The following ZNF581 variants were observed in gnomAD, a reference collection of about 807,000 sequenced individuals.
ZNF581 encodes zinc finger protein 581.
In ZNF581, 1 loss-of-function variant was observed where a neutral mutation model predicts 1.2. That is an observed-to-expected ratio of 0.83 (90% CI 0.30 to 3.95). The LOEUF (loss-of-function observed/expected upper bound fraction) is 3.95. Among genes scored for constraint, ZNF581 ranks in the 30% most tolerant of loss-of-function variants. The pLI, the probability that ZNF581 is intolerant of heterozygous loss-of-function variation, is 0.18. For missense variants in ZNF581, 273 were observed against 274.6 expected (o/e 0.99, Z 0.04); for synonymous variants, 105 against 109.2 (o/e 0.96, Z 0.24).
In ZNF581 at chr19:55,645,337, C is replaced by A. The variant is rs552102882; in HGVS notation, c.*172C>A. The A allele has an allele frequency of 7.3e-6, 4 of 548,652 alleles. No homozygotes were observed. The East Asian group carries it at 1.2e-4, about 17-fold the overall frequency. 34.0% of individuals were successfully genotyped at this position (548,652 alleles called of 1,614,324 possible). On this transcript the variant is annotated 3_prime_UTR_variant, in exon 2 of 2. Transcript: ENST00000270451. ...GAAGGAGGAATCCGTGAGTAATCTT[C>A]AGGTCCTCCGTGTTCTGGAGCTGAG... is the stretch of plus-strand genomic sequence containing the variant.
upstream of ZNF581, chr19:55,642,629 T>A: frequency 1.4e-6 from 2 of 1,436,788 alleles, no homozygotes; most frequent in Non-Finnish European, 1.8e-6. Flanking sequence ...CACTCCTTCC[T>A]CGGCGGCGGG....
upstream of ZNF581, chr19:55,640,764 G>T (rs976963657): frequency 2.0e-6 from 2 of 985,492 alleles, no homozygotes; most frequent in Non-Finnish European, 2.4e-6. Flanking sequence ...ACCCTTGTGG[G>T]CCTTAGGGCG....
chr19:55,640,013 C>G (rs1982348439), upstream of ZNF581: 1 of 522,718 alleles, frequency 1.9e-6, no homozygotes, highest in African/African-American at 2.1e-5. Context: ...TGTCATAGAA[C>G]TTTCCACCAT....
chr19:55,641,802 A>AT (rs1982506406), upstream of ZNF581: 1 of 153,560 alleles, frequency 6.5e-6, no homozygotes, highest in Non-Finnish European at 1.4e-5. Context: ...TAGATGTAGT[A>AT]AGACGATGGG....
At chr19:55,640,044 A>G (rs951085881), upstream of ZNF581, 12 of 787,418 alleles carry the variant, frequency 1.5e-5, no homozygotes, top group African/African-American at 2.2e-4. Flanking sequence ...TCTGATGGAC[A>G]GTGCTCTAGG....
upstream of ZNF581, chr19:55,642,322 A>C: frequency 7.9e-7 from 1 of 1,260,650 alleles, no homozygotes. Context: ...TCTCCGAGGC[A>C]GCTTGATGGA....
Position 55,644,721 on chromosome 19 carries a change from C to T in ZNF581, c.150C>T (p.Pro50=). 6.2e-7 allele frequency: 1 copy of T among 1,614,058 alleles called. No homozygotes were observed. Among genetic ancestry groups the T allele is most frequent in the Non-Finnish European group, 8.5e-7 (1 of 1,179,968 alleles). ...CCCAGGCTTCATCTCCTCCAAGGCC[C>T]AACCACTACCTGCTTATTGACACTC... The part of the protein sequence containing the change: ...GSPQASSPPR[P]NHYLLIDTQG... Residue 50 remains proline (P), a synonymous_variant, in exon 2 of 2, where the codon CCC becomes CCT. Coordinates refer to ENST00000270451, the MANE Select transcript of ZNF581 (RefSeq NM_016535.4). This position sits in a 1 kb window ranked among gnomAD's most constrained non-coding sequence, Gnocchi z 4.3.
chr19:55,640,183 TGGA>T, upstream of ZNF581: 3 of 985,476 alleles, frequency 3.0e-6, no homozygotes, highest in Non-Finnish European at 3.6e-6. Flanking sequence ...GCCACGTGGC[TGGA>T]GGAGGAGCTG....
At chr19:55,640,301 G>C, upstream of ZNF581, 3 of 985,454 alleles carry the variant, frequency 3.0e-6, no homozygotes, top group Non-Finnish European at 3.6e-6. Flanking sequence ...GCCAGCGCCC[G>C]GGCCTCAAGT....
chr19:55,642,902 T>A, upstream of ZNF581: 1 of 1,541,906 alleles, frequency 6.5e-7, no homozygotes, highest in African/African-American at 1.4e-5. Context: ...CTTCAAGCGC[T>A]CCAGCCACCT....
chr19:55,645,047 A>G lies in ZNF581; in HGVS notation c.476A>G (p.Glu159Gly). 6.3e-7 allele frequency: 1 copy of G among 1,581,372 alleles called. No individual in the cohort carries two copies. Among genetic ancestry groups the G allele is most frequent in the Non-Finnish European group, 8.6e-7 (1 of 1,157,672 alleles). ...CCTCGCCGCTTCCGGGATGCGGGTG[A>G]GCTGGCCCAGCACAGCCGGGTGCAC... ...LCPRRFRDAG[E>G]LAQHSRVHSG... The change falls in exon 2 of 2, where the codon GAG (glutamate) becomes GGG (glycine). Residue 159 changes from glutamate to glycine, a missense_variant. Transcript: ENST00000270451.
Position 55,644,871 on chromosome 19 carries a change from C to T in ZNF581, c.300C>T (p.Ser100=), listed in dbSNP as rs1203026492. ...PVCSRVFEYM[S]YLQRHSITHS... ...GCTCAAGGGTCTTCGAGTACATGTCCTACCTTCAGCGACACAGCATCACCC... is the reference window on the plus strand; with the variant it reads ...GCTCAAGGGTCTTCGAGTACATGTCTTACCTTCAGCGACACAGCATCACCC... Residue 100 remains serine (S), a synonymous_variant, in exon 2 of 2, where the codon TCC becomes TCT. Coordinates refer to ENST00000270451, the MANE Select transcript of ZNF581 (RefSeq NM_016535.4). The surrounding 1 kb of genome is among the most constrained non-coding windows in gnomAD (Gnocchi z 4.3). 6 of 1,613,696 alleles carry T rather than the reference C, an allele frequency of 3.7e-6. No homozygotes were observed. Among genetic ancestry groups the T allele is most frequent in the East Asian group, 4.5e-5 (2 of 44,878 alleles).
chr19:55,635,609 A>G (rs1459704034), exon 1 of ZNF581: 8 of 918,706 alleles, frequency 8.7e-6, no homozygotes, highest in Non-Finnish European at 1.0e-5. Flanking sequence ...ATGAATATGC[A>G]GTGTGAACTG....
upstream of ZNF581, chr19:55,642,346 G>A (rs914493249): frequency 2.4e-6 from 3 of 1,268,946 alleles, no homozygotes; most frequent in Admixed American, 1.3e-4. Flanking sequence ...TGGGAGAGCC[G>A]GGCTGGAGTC....
chr19:55,645,410 T>G lies in ZNF581; in HGVS notation c.*245T>G. The G allele has an allele frequency of 2.5e-6, 1 of 403,464 alleles. No homozygotes were observed. The highest frequency in any genetic ancestry group is 1.1e-4 in the South Asian group (1 of 9,370). 25.0% of individuals were successfully genotyped at this position (403,464 alleles called of 1,614,324 possible). A position where few individuals can be genotyped will look rare whatever the true frequency, so the allele number is the denominator to read the frequency against. ...AATGGAGTCCTCTAGCCTAAAGATA[T>G]CAGCTGTTCCATGGCAGAGCCTTGA... On this transcript the variant is annotated 3_prime_UTR_variant, in exon 2 of 2. Coordinates refer to ENST00000270451, the MANE Select transcript of ZNF581 (RefSeq NM_016535.4).
upstream of ZNF581, among the ~76,000 whole-genome samples, chr19:55,639,773 C>T (rs929081945): frequency 3.3e-5 from 5 of 152,126 alleles, no homozygotes; most frequent in South Asian, 2.1e-4. Flanking sequence ...AGCACCACTA[C>T]GGCCGGCTAA....
chr19:55,638,143 C>G (rs1461452929), upstream of ZNF581, among the ~76,000 whole-genome samples: 5 of 152,266 alleles, frequency 3.3e-5, no homozygotes, highest in African/African-American at 1.2e-4. Flanking sequence ...GCGAGGGCTT[C>G]AGGAAGCTTA....
At chr19:55,642,694 CTACACA>C, upstream of ZNF581, 1 of 1,478,438 alleles carries the variant, frequency 6.8e-7, no homozygotes, top group African/African-American at 1.5e-5. Context: ...ATGGGGTCCC[CTACACA>C]TACACGGTGC....
At position 55,644,309 on chromosome 19, in the gene ZNF581, G is replaced by A. The variant is rs1304938870; in HGVS notation, c.-19-244G>A. ...GTCCAGGTTGTGCAGAGGAGGTCAA[G>A]AGATCCTGTGAGTACAGTGTATGGT... On this transcript the variant is annotated intron_variant, in intron 1 of 1. Coordinates refer to ENST00000270451, the MANE Select transcript of ZNF581 (RefSeq NM_016535.4). This position sits in a 1 kb window ranked among gnomAD's most constrained non-coding sequence, Gnocchi z 4.3. Among the ~76,000 whole-genome samples, 2 of 152,188 alleles carry A rather than the reference G, an allele frequency of 1.3e-5. No individual in the cohort carries two copies. The highest frequency in any genetic ancestry group is 2.9e-5 in the Non-Finnish European group (2 of 68,032).
Sources: gnomAD v4.1 joint callset for allele counts (sites outside exome capture counted in the v4.1 genomes callset) on GRCh38, gnomAD v4.1.1 for gene constraint, Gnocchi (gnomAD v3.1) non-coding constraint, MANE v1.5 for transcripts, NCBI Gene and HGNC (gene_info 2026-07-23, HGNC 2026-07-21) for gene names.